Variants in GPR174 observed in about 807,000 individuals in gnomAD.
The protein encoded by GPR174 is G protein-coupled receptor 174.
A neutral mutation model predicts 16.5 loss-of-function variants in GPR174; 8 were observed. The ratio of observed to expected loss-of-function variants is 0.48; its 90% CI spans 0.28 to 0.87. The LOEUF (loss-of-function observed/expected upper bound fraction) is 0.87, where lower values mean the gene tolerates loss of function less well. Among genes scored for constraint, GPR174 ranks in the 40% least tolerant of loss-of-function variants. The pLI, the probability that GPR174 is intolerant of heterozygous loss-of-function variation, is 0.09. For missense variants in GPR174, 214 were observed against 247.5 expected (o/e 0.86, Z 0.91); for synonymous variants, 111 against 94.8 (o/e 1.17, Z -0.99).
At chrX:79,152,792 A>G (rs150793016) in intron 1 of GPR174, among the ~76,000 whole-genome samples, 223 of 111,864 alleles carry the variant, frequency 2.0e-3, no homozygotes, top group African/African-American at 7.0e-3. Flanking sequence ...AAAATGGTAT[A>G]ATTGAGGACA....
intron 2 of GPR174, among the ~76,000 whole-genome samples, chrX:79,167,871 G>T (rs1921414695): frequency 8.9e-6 from 1 of 111,887 alleles, no homozygotes; most frequent in African/African-American, 3.2e-5. Flanking sequence ...TGACCTTTGA[G>T]GGAACTCATA....
At chrX:79,156,447 T>C (rs1234829305) in intron 1 of GPR174, among the ~76,000 whole-genome samples, 1 of 112,030 alleles carries the variant, frequency 8.9e-6, no homozygotes, top group Non-Finnish European at 1.9e-5. Context: ...AGATCACTAA[T>C]TGAGAAAAAG....
At chrX:79,146,511 G>A (rs1368948500) in intron 1 of GPR174, among the ~76,000 whole-genome samples, 1 of 111,953 alleles carries the variant, frequency 8.9e-6, no homozygotes, top group Non-Finnish European at 1.9e-5. Context: ...CAGTCACACT[G>A]GCAAACATTT....
At chrX:79,149,880 G>A (rs773930569) in intron 1 of GPR174, among the ~76,000 whole-genome samples, 1 of 95,460 alleles carries the variant, frequency 1.0e-5, no homozygotes, top group Non-Finnish European at 2.1e-5. Context: ...AGGACATTCT[G>A]TAACCTGCAG....
Position 79,173,844 on chromosome X carries a change from A to G in GPR174, c.*1835A>G, listed in dbSNP as rs1268579909. 2.7e-5 allele frequency: 3 copies of G among 112,307 alleles called. No individual in the cohort carries two copies. Among genetic ancestry groups the G allele is most frequent in the African/African-American group, 9.7e-5 (3 of 30,947 alleles). 9.3% of individuals were successfully genotyped at this position (112,307 alleles called of 1,213,427 possible). Reference sequence around the variant, plus strand: ...AAACTGTATTTTAAATAGGGCATCTATAACTGTGTCTTGTCTCTTTGCTTT... The same window carrying G: ...AAACTGTATTTTAAATAGGGCATCTGTAACTGTGTCTTGTCTCTTTGCTTT... On this transcript the variant is annotated 3_prime_UTR_variant, in exon 3 of 3. Coordinates refer to ENST00000645147, the MANE Select transcript of GPR174 (RefSeq NM_032553.3).
In GPR174 at chrX:79,173,699, T is replaced by A. The variant is rs1234852340; in HGVS notation, c.*1690T>A. The A allele has an allele frequency of 8.9e-6, 1 of 112,464 alleles. No individual in the cohort carries two copies. Among genetic ancestry groups the A allele is most frequent in the Non-Finnish European group, 1.9e-5 (1 of 53,253 alleles). The allele number at this position is 112,464 out of a possible 1,213,427, so 9.3% of individuals were successfully genotyped here. On this transcript the variant is annotated 3_prime_UTR_variant, in exon 3 of 3. Transcript: ENST00000645147. ...GTTGATTTTACACATATGTTGTTAT[T>A]AAGATAATACCCTATTAGAAAACTG...
Position 79,166,009 on chromosome X carries a change from C to A in GPR174, c.-556-4443C>A, listed in dbSNP as rs184013437. 2.7e-5 allele frequency among the ~76,000 whole-genome samples: 3 copies of A among 111,606 alleles called. No homozygotes were observed. In the East Asian group the frequency reaches 8.4e-4, roughly 31 times the overall value. ...AGGAAAATCCCCACAGCCCTGTCAG[C>A]ACCGAGAACAGGAAACATACAGCTT... On this transcript the variant is annotated intron_variant, in intron 2 of 2. Transcript: ENST00000645147.
chrX:79,169,862 T>A (rs891754994), intron 2 of GPR174, among the ~76,000 whole-genome samples: 3 of 112,030 alleles, frequency 2.7e-5, no homozygotes, highest in Non-Finnish European at 5.6e-5. Flanking sequence ...GAGAAGCTGG[T>A]TGTCCATTTA....
intron 2 of GPR174, among the ~76,000 whole-genome samples, chrX:79,161,797 G>A (rs908455093): frequency 8.9e-6 from 1 of 111,898 alleles, no homozygotes; most frequent in Non-Finnish European, 1.9e-5. Flanking sequence ...GGTGGGCAGG[G>A]ACTTGTCATT....
At position 79,157,492 on chromosome X, in the gene GPR174, A is replaced by T. The variant is rs374502468; in HGVS notation, c.-557+574A>T. ...ATTTTGAAAGCAAGTCTATGCACAG[A>T]TTAAATAAATGCTTTCAATGTTAAA... is the stretch of plus-strand genomic sequence containing the variant. On this transcript the variant is annotated intron_variant, in intron 2 of 2. Coordinates refer to ENST00000645147, the MANE Select transcript of GPR174 (RefSeq NM_032553.3). Among the ~76,000 whole-genome samples, 3 of 111,833 alleles carry T rather than the reference A, an allele frequency of 2.7e-5. No individual in the cohort carries two copies. The South Asian group carries it at 1.1e-3, about 42-fold the overall frequency.
At chrX:79,151,717 T>A (rs969211908) in intron 1 of GPR174, among the ~76,000 whole-genome samples, 2 of 111,681 alleles carry the variant, frequency 1.8e-5, no homozygotes, top group African/African-American at 6.5e-5. Context: ...TGAATAAAAT[T>A]GAGAATTGTA....
chrX:79,168,540 T>A (rs1602343580), intron 2 of GPR174, among the ~76,000 whole-genome samples: 1 of 32,295 alleles, frequency 3.1e-5, no homozygotes, highest in African/African-American at 8.5e-5. Context: ...TCTCTACAAA[T>A]TTTTTTTTTT....
rs200203561 is a variant in GPR174 at position 79,145,004 on chromosome X, C to CTT, written c.-866_-865insTT. On this transcript the variant is annotated 5_prime_UTR_variant, in exon 1 of 3. Transcript: ENST00000645147. ...TTTCTTTCTTTCTTTCTCTCTCTCTCTCTTTCTTTCTTTCTTTCTTTCTTT... is the reference window on the plus strand; with the variant it reads ...TTTCTTTCTTTCTTTCTCTCTCTCTCTTTCTTTCTTTCTTTCTTTCTTTCTTT... 4.7e-3 allele frequency: 233 copies of CTT among 49,472 alleles called. 1 individual carries two copies. In the East Asian group the frequency reaches 0.094, roughly 20 times the overall value. The allele number at this position is 49,472 out of a possible 1,213,427, so 4.1% of individuals were successfully genotyped here. A position where few individuals can be genotyped will look rare whatever the true frequency, so the allele number is the denominator to read the frequency against.
At chrX:79,166,432 C>CTTTTTTTTTTTTTTTTTTTTTTTTT (rs1174620976) in intron 2 of GPR174, among the ~76,000 whole-genome samples, 4 of 43,625 alleles carry the variant, frequency 9.2e-5, no homozygotes, top group Non-Finnish European at 1.1e-4. Flanking sequence ...TTTCTTTTTT[C>CTTTTTTTTTTTTTTTTTTTTTTTTT]TTTTTTTTTT....
At chrX:79,167,820 A>G (rs921350165) in intron 2 of GPR174, among the ~76,000 whole-genome samples, 2 of 112,278 alleles carry the variant, frequency 1.8e-5, no homozygotes, top group Non-Finnish European at 3.8e-5. Flanking sequence ...CAATAACTGC[A>G]TTGTCTGTCT....
At chrX:79,153,441 T>A (rs907876427) in intron 1 of GPR174, among the ~76,000 whole-genome samples, 2 of 111,936 alleles carry the variant, frequency 1.8e-5, no homozygotes, top group Admixed American at 1.9e-4. Context: ...ATTCGTCTTA[T>A]TTTAGTCACT....
At chrX:79,149,327 T>A (rs1429653421) in intron 1 of GPR174, among the ~76,000 whole-genome samples, 2 of 111,920 alleles carry the variant, frequency 1.8e-5, no homozygotes, top group East Asian at 5.6e-4. Context: ...CCTTTATTTT[T>A]ATACCTTATA....
intron 2 of GPR174, among the ~76,000 whole-genome samples, chrX:79,160,754 C>T (rs756846617): frequency 1.8e-5 from 2 of 111,459 alleles, no homozygotes; most frequent in South Asian, 7.5e-4. Context: ...AATAATATTA[C>T]GGAGAAGGTC....
At chrX:79,149,821 GT>G (rs34575264) in intron 1 of GPR174, among the ~76,000 whole-genome samples, 1,716 of 82,110 alleles carry the variant, frequency 0.021, 42 homozygotes, top group Admixed American at 0.11. Context: ...ACCTCCCTCA[GT>G]TTTTTTTTTT....
Sources: gnomAD v4.1 joint callset for allele counts (sites outside exome capture counted in the v4.1 genomes callset) on GRCh38, gnomAD v4.1.1 for gene constraint, MANE v1.5 for transcripts, NCBI Gene and HGNC (gene_info 2026-07-23, HGNC 2026-07-21) for gene names.